The following CFAP20DC variants were observed in gnomAD, a reference collection of about 807,000 sequenced individuals.
CFAP20DC encodes protein CFAP20DC.
A neutral mutation model predicts 101.7 loss-of-function variants in CFAP20DC; 84 were observed. The ratio of observed to expected loss-of-function variants is 0.83; its 90% CI spans 0.69 to 0.99. The LOEUF is 0.99. CFAP20DC is among the 50% of genes least tolerant of loss of function. The pLI, the probability that CFAP20DC is intolerant of heterozygous loss-of-function variation, is 0.00. For synonymous variants in CFAP20DC, 359 were observed against 351.2 expected, an observed-to-expected ratio of 1.02 and a Z score of -0.25; for missense variants, 1,007 against 970.3, an observed-to-expected ratio of 1.04 and a Z score of -0.50.
chr3:58,956,714 G>A (rs1264823640), intron 4 of CFAP20DC, among the ~76,000 whole-genome samples: 18 of 152,178 alleles, frequency 1.2e-4, no homozygotes, highest in Non-Finnish European at 1.5e-5. Context: ...CCAAGACTGG[G>A]TAATTTATAC....
chr3:58,968,176 G>A (rs924748736), intron 4 of CFAP20DC, among the ~76,000 whole-genome samples: 4 of 152,084 alleles, frequency 2.6e-5, no homozygotes, highest in Admixed American at 6.6e-5. Context: ...GAACATTCAC[G>A]TGCATGTGCC....
intron 13 of CFAP20DC, among the ~76,000 whole-genome samples, chr3:58,847,538 G>C (rs1000033020): frequency 6.6e-6 from 1 of 152,006 alleles, no homozygotes; most frequent in African/African-American, 2.4e-5. Flanking sequence ...AGAAGATGTG[G>C]AGAAATAGGA....
intron 5 of CFAP20DC, among the ~76,000 whole-genome samples, chr3:58,932,738 C>A (rs2086894205): frequency 6.6e-6 from 1 of 152,114 alleles, no homozygotes; most frequent in African/African-American, 2.4e-5. Context: ...CATTTTGTCA[C>A]CACCAAGCTT....
At chr3:58,916,412 C>G (rs2084717226) in intron 5 of CFAP20DC, among the ~76,000 whole-genome samples, 1 of 152,100 alleles carries the variant, frequency 6.6e-6, no homozygotes, top group African/African-American at 2.4e-5. Context: ...ACCCACTGTA[C>G]ACTTTTCTTA....
chr3:58,748,918 A>G (rs926103196), intron 16 of CFAP20DC, among the ~76,000 whole-genome samples: 1 of 152,214 alleles, frequency 6.6e-6, no homozygotes, highest in Non-Finnish European at 1.5e-5. Flanking sequence ...CCTCATCTGT[A>G]AAGTGGGAAC....
intron 3 of CFAP20DC, among the ~76,000 whole-genome samples, chr3:58,735,831 A>C (rs2067741071): frequency 6.6e-6 from 1 of 152,230 alleles, no homozygotes; most frequent in South Asian, 2.1e-4. Context: ...TGTCCCTTAT[A>C]AATTAAGGAT....
chr3:58,808,827 A>C (rs370173571), intron 14 of CFAP20DC, among the ~76,000 whole-genome samples: 1 of 152,148 alleles, frequency 6.6e-6, no homozygotes, highest in Non-Finnish European at 1.5e-5. Context: ...CCCATCTCAC[A>C]TGCAGAGACA....
At chr3:58,910,967 G>C (rs1198769620) in intron 6 of CFAP20DC, among the ~76,000 whole-genome samples, 1 of 151,962 alleles carries the variant, frequency 6.6e-6, no homozygotes, top group Admixed American at 6.6e-5. Flanking sequence ...CCAAATATTG[G>C]AGTTGTGAGC....
At chr3:59,031,609 T>C (rs2093996303) in intron 4 of CFAP20DC, among the ~76,000 whole-genome samples, 2 of 152,164 alleles carry the variant, frequency 1.3e-5, no homozygotes, top group Non-Finnish European at 1.5e-5. Flanking sequence ...TGGCAGATGA[T>C]GAAAGAAGAT....
chr3:58,796,153 C>G (rs1467942340), intron 15 of CFAP20DC, among the ~76,000 whole-genome samples: 1 of 152,136 alleles, frequency 6.6e-6, no homozygotes, highest in African/African-American at 2.4e-5. Flanking sequence ...AAAACCAGGA[C>G]TGAAAGTGGG....
intron 4 of CFAP20DC, among the ~76,000 whole-genome samples, chr3:58,959,435 T>C (rs1488486427): frequency 6.6e-6 from 1 of 152,242 alleles, no homozygotes; most frequent in Non-Finnish European, 1.5e-5. Context: ...GAGTTTATTT[T>C]TGTTTACAGT....
In CFAP20DC at chr3:59,022,663, T is replaced by C. The variant is rs115501669; in HGVS notation, c.278+16894A>G. ...AATAAATGCAACCAACCACCTACTATACTGAGAATTTCACATTACTGTCAT... is the reference window on the plus strand; with the variant it reads ...AATAAATGCAACCAACCACCTACTACACTGAGAATTTCACATTACTGTCAT... On this transcript the variant is annotated intron_variant, in intron 4 of 16. Transcript: ENST00000482387. Among the ~76,000 whole-genome samples the C allele has an allele frequency of 3.2e-3, 490 of 152,208 alleles. 4 individuals are homozygous for C. Among genetic ancestry groups the C allele is most frequent in the African/African-American group, 0.011 (472 of 41,556 alleles).
At chr3:58,716,647 C>A (rs754025329), downstream of CFAP20DC, among the ~76,000 whole-genome samples, 6 of 152,086 alleles carry the variant, frequency 3.9e-5, no homozygotes, top group Admixed American at 6.5e-5. Context: ...GCCTGCACTG[C>A]GATTCTCCTA....
chr3:58,813,330 C>T (rs1230777918), intron 14 of CFAP20DC, among the ~76,000 whole-genome samples: 2 of 151,884 alleles, frequency 1.3e-5, no homozygotes, highest in African/African-American at 2.4e-5. Flanking sequence ...GAAAAAATTC[C>T]ATCCTCTTTT....
chr3:58,815,756 A>G (rs1214021864), intron 14 of CFAP20DC, among the ~76,000 whole-genome samples: 2 of 150,264 alleles, frequency 1.3e-5, no homozygotes, highest in African/African-American at 4.9e-5. Context: ...AACACATGAA[A>G]AAATGCTCAT....
chr3:58,890,548 G>T (rs1467447314), intron 6 of CFAP20DC, among the ~76,000 whole-genome samples: 2 of 150,114 alleles, frequency 1.3e-5, no homozygotes, highest in Non-Finnish European at 3.0e-5. Context: ...AGACGGGGCG[G>T]CTAGCCGGGT....
chr3:58,879,832 A>C (rs926160711), intron 7 of CFAP20DC, among the ~76,000 whole-genome samples: 3 of 152,110 alleles, frequency 2.0e-5, no homozygotes, highest in African/African-American at 7.2e-5. Flanking sequence ...AATATCTCAA[A>C]ATTCATACTC....
chr3:59,030,840 T>C (rs750202138), intron 4 of CFAP20DC, among the ~76,000 whole-genome samples: 1 of 152,180 alleles, frequency 6.6e-6, no homozygotes, highest in Non-Finnish European at 1.5e-5. Flanking sequence ...TTTGTTTTTT[T>C]TGAGACGGAG....
intron 4 of CFAP20DC, 144 bp downstream of exon 4, chr3:59,039,408 ATTAGT>A (rs1157881216): frequency 3.5e-6 from 2 of 567,688 alleles, no homozygotes; most frequent in African/African-American, 4.0e-5. Flanking sequence ...ATATGATTAA[ATTAGT>A]TTAATTACTT....
Sources: allele counts gnomAD v4.1 joint callset (sites outside exome capture counted in the v4.1 genomes callset), GRCh38; gene constraint gnomAD v4.1.1; transcripts MANE v1.5; gene names NCBI Gene and HGNC (gene_info 2026-07-23, HGNC 2026-07-21).